The following DIP2B variants were observed in gnomAD, a reference collection of about 807,000 sequenced individuals.
The protein encoded by DIP2B is disco-interacting protein 2 homolog B.
DIP2B carries 76 observed loss-of-function variants against 198.0 expected under a neutral mutation model. That is an observed-to-expected ratio of 0.38 (90% CI 0.32 to 0.46). The LOEUF (loss-of-function observed/expected upper bound fraction) is 0.46. DIP2B is among the 20% of genes least tolerant of loss of function. The pLI is 0.99. For missense variants in DIP2B, 1,559 were observed against 1,978.4 expected, an observed-to-expected ratio of 0.79 and a Z score of 4.02; for synonymous variants, 701 against 739.1, an observed-to-expected ratio of 0.95 and a Z score of 0.84.
chr12:50,518,386 G>A (rs1453821263), intron 1 of DIP2B, among the ~76,000 whole-genome samples: 1 of 152,064 alleles, frequency 6.6e-6, no homozygotes, highest in Admixed American at 6.6e-5. Context: ...TACCATGCCC[G>A]GCTAATTTTT....
At chr12:50,655,657 A>T (rs748139931) in intron 3 of DIP2B, among the ~76,000 whole-genome samples, 21 of 152,248 alleles carry the variant, frequency 1.4e-4, no homozygotes, top group Non-Finnish European at 5.9e-5. Context: ...AACACTAGTT[A>T]GAAGATTTAT....
chr12:50,726,903 A>C (rs772443485), intron 28 of DIP2B, among the ~76,000 whole-genome samples: 18 of 152,112 alleles, frequency 1.2e-4, no homozygotes, highest in Non-Finnish European at 1.6e-4. Flanking sequence ...ACTTGGGCTC[A>C]GGAGTTGGAG....
chr12:50,648,252 G>A (rs1172725615), intron 3 of DIP2B, among the ~76,000 whole-genome samples: 1 of 152,124 alleles, frequency 6.6e-6, no homozygotes, highest in East Asian at 1.9e-4. Context: ...GGTGGTAAAA[G>A]TATTATTTCT....
At chr12:50,681,477 T>C (rs2139535759) in intron 9 of DIP2B, among the ~76,000 whole-genome samples, 1 of 152,290 alleles carries the variant, frequency 6.6e-6, no homozygotes, top group Admixed American at 6.5e-5. Flanking sequence ...TTAAAACATT[T>C]TTCTGTGGTC....
intron 14 of DIP2B, among the ~76,000 whole-genome samples, chr12:50,693,261 C>A (rs544958429): frequency 6.6e-6 from 1 of 152,310 alleles, no homozygotes; most frequent in East Asian, 1.9e-4. Context: ...CAGAGAGGAA[C>A]AGGTAGCATA....
chr12:50,537,793 T>C lies in DIP2B; in HGVS notation c.100+32553T>C, dbSNP rs1011227186. ...TCAGTCACAGAAGTAGGAGGTGGACTGGGGTGGGTGGTGTGGTGCTTCTGT... is the reference window on the plus strand; with the variant it reads ...TCAGTCACAGAAGTAGGAGGTGGACCGGGGTGGGTGGTGTGGTGCTTCTGT... On this transcript the variant is annotated intron_variant, in intron 1 of 37. Transcript: ENST00000301180. 2.9e-4 allele frequency among the ~76,000 whole-genome samples: 44 copies of C among 152,074 alleles called. 1 individual carries two copies. Among genetic ancestry groups the C allele is most frequent in the African/African-American group, 8.5e-4 (35 of 41,402 alleles).
intron 1 of DIP2B, among the ~76,000 whole-genome samples, chr12:50,555,156 T>A (rs1332979703): frequency 6.6e-6 from 1 of 152,146 alleles, no homozygotes; most frequent in Non-Finnish European, 1.5e-5. Context: ...GACCCTCTGT[T>A]TGCCCTTCTA....
intron 1 of DIP2B, among the ~76,000 whole-genome samples, chr12:50,605,982 C>T (rs886416925): frequency 8.0e-5 from 12 of 150,306 alleles, no homozygotes; most frequent in Admixed American, 4.6e-4. Flanking sequence ...CCACCATGCC[C>T]GGCTACTTTT....
At chr12:50,574,394 A>C (rs932109871) in intron 1 of DIP2B, among the ~76,000 whole-genome samples, 5 of 152,224 alleles carry the variant, frequency 3.3e-5, no homozygotes, top group Non-Finnish European at 5.9e-5. Flanking sequence ...ATGGTAAAGG[A>C]AGCAGCTTAA....
intron 2 of DIP2B, among the ~76,000 whole-genome samples, chr12:50,636,819 A>G (rs942357072): frequency 6.6e-6 from 1 of 152,168 alleles, no homozygotes; most frequent in African/African-American, 2.4e-5. Context: ...CAAGTGGCCA[A>G]GGAAGCTCTG....
At chr12:50,733,125 C>G (rs1940075206) in intron 32 of DIP2B, among the ~76,000 whole-genome samples, 1 of 152,010 alleles carries the variant, frequency 6.6e-6, no homozygotes, top group Non-Finnish European at 1.5e-5. Context: ...AGGCTGGTCT[C>G]AAACTCCTGA....
chr12:50,508,712 C>CT (rs35206160), intron 1 of DIP2B, among the ~76,000 whole-genome samples: 96,056 of 146,838 alleles, frequency 0.65, 31,722 homozygotes, highest in East Asian at 0.99. Flanking sequence ...GAAATGCTAC[C>CT]TTTTTTTTTT....
chr12:50,549,413 C>T (rs1183951103), intron 1 of DIP2B, among the ~76,000 whole-genome samples: 1 of 152,046 alleles, frequency 6.6e-6, no homozygotes, highest in Non-Finnish European at 1.5e-5. Context: ...GCCTGTAGTC[C>T]CAGCTACACG....
intron 1 of DIP2B, among the ~76,000 whole-genome samples, chr12:50,623,529 GCA>G (rs146613951): frequency 1.3e-3 from 132 of 104,506 alleles, no homozygotes; most frequent in East Asian, 3.2e-3. Context: ...ACACACACAC[GCA>G]CACACACACA....
intron 1 of DIP2B, among the ~76,000 whole-genome samples, chr12:50,556,364 C>T (rs1477512834): frequency 6.6e-6 from 1 of 152,080 alleles, no homozygotes; most frequent in African/African-American, 2.4e-5. Flanking sequence ...CGTAAGCCAT[C>T]GAGCCCGGCC....
chr12:50,672,209 T>C (rs1034251994), intron 5 of DIP2B, among the ~76,000 whole-genome samples: 1 of 152,192 alleles, frequency 6.6e-6, no homozygotes, highest in Non-Finnish European at 1.5e-5. Flanking sequence ...TTCTGTTAAC[T>C]GATTTCTAAA....
At chr12:50,593,685 A>G in intron 1 of DIP2B, among the ~76,000 whole-genome samples, 1 of 115,320 alleles carries the variant, frequency 8.7e-6, no homozygotes, top group African/African-American at 3.5e-5. Context: ...CTAGGAATAC[A>G]CTCTTTTCTC....
chr12:50,711,361 TATCAG>T (rs1939610855), intron 22 of DIP2B, among the ~76,000 whole-genome samples: 3 of 152,140 alleles, frequency 2.0e-5, no homozygotes, highest in Admixed American at 1.3e-4. Flanking sequence ...GTAGATGACT[TATCAG>T]ATGCGTTTTT....
chr12:50,725,617 A>G (rs1592144156), intron 28 of DIP2B, among the ~76,000 whole-genome samples: 1 of 152,154 alleles, frequency 6.6e-6, no homozygotes, highest in Non-Finnish European at 1.5e-5. Context: ...ATGTAACACA[A>G]AGCTTCTAGC....
Sources: allele counts gnomAD v4.1 joint callset (sites outside exome capture counted in the v4.1 genomes callset), GRCh38; gene constraint gnomAD v4.1.1; transcripts MANE v1.5; gene names NCBI Gene and HGNC (gene_info 2026-07-23, HGNC 2026-07-21).